The following MUC5B variants were observed in gnomAD, a reference collection of about 807,000 sequenced individuals.
MUC5B encodes mucin-5B.
MUC5B carries 116 observed loss-of-function variants against 376.9 expected under a neutral mutation model. The ratio of observed to expected loss-of-function variants is 0.31; its 90% CI spans 0.26 to 0.36. The LOEUF (loss-of-function observed/expected upper bound fraction) is 0.36. MUC5B is among the 10% of genes least tolerant of loss of function. MUC5B has a pLI of 1.00. For missense variants in MUC5B, 7,165 were observed against 7,769.9 expected (o/e 0.92, Z 2.93); for synonymous variants, 3,517 against 3,390.9 (o/e 1.04, Z -1.29).
chr11:1,246,140 C>A lies in MUC5B; in HGVS notation c.9260C>A (p.Pro3087His). ...TGTLPEQTTT[P>H]MATMSTIHPS... ...ACCCTCCCAGAACAGACCACCACAC[C>A]CATGGCCACCATGTCCACAATCCAC... The change falls in exon 31 of 49, where the codon CCC becomes CAC. Residue 3087 changes from proline (P) to histidine (H), a missense_variant. By Grantham distance (77) the Pro-to-His change is moderately conservative. This residue lies in a region of MUC5B where 939 missense variants were observed against 770.6 expected (regional missense o/e 1.22). Coordinates refer to ENST00000529681, the MANE Select transcript of MUC5B (RefSeq NM_002458.3). 3 of 1,613,148 alleles carry A rather than the reference C, an allele frequency of 1.9e-6. No individual in the cohort carries two copies. The highest frequency in any genetic ancestry group is 2.5e-6 in the Non-Finnish European group (3 of 1,179,532).
Position 1,248,126 on chromosome 11 carries a change from G to C in MUC5B, c.11246G>C (p.Gly3749Ala), listed in dbSNP as rs1862549706. Residue 3749 changes from glycine (G) to alanine (A), a missense_variant, in exon 31 of 49, where the codon GGC becomes GCC. This residue lies in a region of MUC5B where 72 missense variants were observed against 127.8 expected (regional missense o/e 0.56). Coordinates refer to ENST00000529681, the MANE Select transcript of MUC5B (RefSeq NM_002458.3). Reference sequence around the variant, plus strand: ...GCCTCCTCCACCCAGGCAACTGCTGGCACCCCACATGTGAGCACCACGGCC... The same window carrying C: ...GCCTCCTCCACCCAGGCAACTGCTGCCACCCCACATGTGAGCACCACGGCC... ...ATASSTQATA[G>A]TPHVSTTATT... is the part of the protein sequence containing the mutation. 2.4e-5 allele frequency: 39 copies of C among 1,594,382 alleles called. No homozygotes were observed. The highest frequency in any genetic ancestry group is 3.2e-5 in the Non-Finnish European group (38 of 1,170,462).
chr11:1,250,930 G>A lies in MUC5B; in HGVS notation c.14050G>A (p.Ala4684Thr), dbSNP rs569409443. 1 of 1,601,162 alleles carries A rather than the reference G, an allele frequency of 6.2e-7. No homozygotes were observed. Among genetic ancestry groups the A allele is most frequent in the African/African-American group, 1.3e-5 (1 of 74,246 alleles). ...SGTPPSLTTT[A>T]TTITATGSTT... The stretch of plus-strand genomic sequence containing the variant: ...TACTCCCCCATCACTGACCACCACG[G>A]CCACTACGATCACGGCCACCGGCTC... Residue 4684 changes from alanine to threonine, a missense_variant, in exon 31 of 49, where the codon GCC (alanine) becomes ACC (threonine). This residue lies in a region of MUC5B where 730 missense variants were observed against 592.7 expected (regional missense o/e 1.23). Coordinates refer to ENST00000529681, the MANE Select transcript of MUC5B (RefSeq NM_002458.3).
At chr11:1,252,710 T>C (rs1862737692) in intron 32 of MUC5B, 99 bp from the exon 33 acceptor site, 3 of 1,469,888 alleles carry the variant, frequency 2.0e-6, no homozygotes, top group Admixed American at 4.2e-5. Context: ...AGGCAGGCTC[T>C]TGTGGCCACC....
In MUC5B at chr11:1,252,552, G is replaced by A. The variant is rs550189018; in HGVS notation, c.15045+28G>A. 122 of 1,507,312 alleles carry A rather than the reference G, an allele frequency of 8.1e-5. No individual in the cohort carries two copies. The East Asian group carries it at 2.2e-3, about 27-fold the overall frequency. 93.4% of individuals were successfully genotyped at this position (1,507,312 alleles called of 1,614,324 possible). A position where few individuals can be genotyped will look rare whatever the true frequency, so the allele number is the denominator to read the frequency against. The stretch of plus-strand genomic sequence containing the variant: ...GGGCCCCGCCTGCCCTCCACCTCCC[G>A]TGCTGCGTGCACACGGTCTGGGTTG... On this transcript the variant is annotated intron_variant, in intron 32 of 48. Coordinates refer to ENST00000529681, the MANE Select transcript of MUC5B (RefSeq NM_002458.3).
In MUC5B at chr11:1,239,070, G is replaced by A. The variant is rs541557561; in HGVS notation, c.3454+43G>A. 102 of 1,555,506 alleles carry A rather than the reference G, an allele frequency of 6.6e-5. 1 individual carries two copies. The Middle Eastern group carries it at 1.2e-3, about 18-fold the overall frequency. The stretch of plus-strand genomic sequence containing the variant: ...CGTGGTGCTGAAGGGTGGAGCTGCT[G>A]GGGCAGGGGAGGAGGTGTGGCAGCC... On this transcript the variant is annotated intron_variant, in intron 26 of 48. Coordinates refer to ENST00000529681, the MANE Select transcript of MUC5B (RefSeq NM_002458.3).
intron 38 of MUC5B, among the ~76,000 whole-genome samples, 183 bp downstream of exon 38, chr11:1,256,408 G>C (rs909617019): frequency 2.0e-5 from 3 of 151,860 alleles, no homozygotes; most frequent in Admixed American, 6.6e-5. Flanking sequence ...AGTCAGGCAG[G>C]GGGCGCATCC....
rs780148137 is a variant in MUC5B at position 1,250,844 on chromosome 11, C to G, written c.13964C>G (p.Thr4655Ser). 5.0e-6 allele frequency: 8 copies of G among 1,611,054 alleles called. No homozygotes were observed. The South Asian group carries it at 7.7e-5, about 16-fold the overall frequency. The change falls in exon 31 of 49, where the codon ACC becomes AGC. Residue 4655 changes from threonine (T) to serine (S), a missense_variant. Thr to Ser is a moderately conservative substitution (Grantham distance 58). Coordinates refer to ENST00000529681, the MANE Select transcript of MUC5B (RefSeq NM_002458.3). ...TTHTARVLTT[T>S]TTTVATGSMA... ...CACACCGCCAGAGTGCTGACCACCA[C>G]CACCACAACTGTGGCCACTGGTTCT... is the stretch of plus-strand genomic sequence containing the variant.
rs755621207 is a variant in MUC5B at position 1,230,586 on chromosome 11, G to A, written c.1456G>A (p.Asp486Asn). 230 of 1,608,778 alleles carry A rather than the reference G, an allele frequency of 1.4e-4. No homozygotes were observed. The highest frequency in any genetic ancestry group is 1.8e-4 in the Non-Finnish European group (216 of 1,177,896). Residue 486 changes from aspartate to asparagine, a missense_variant, in exon 12 of 49, where the codon GAC becomes AAC. Physicochemically the swap from Asp to Asn is conservative, Grantham distance 23. Around this residue, in one of 31 missense-constraint regions of MUC5B, gnomAD observed 640 missense variants for 733.0 expected, o/e 0.87. Coordinates refer to ENST00000529681, the MANE Select transcript of MUC5B (RefSeq NM_002458.3). ...CCTGAAAGCGGTGACGCTCAGCCTG[G>A]ACGGCGGGGACACGGTGAGGACCTG... ...NCLKAVTLSL[D>N]GGDTAIRVQA...
Position 1,230,065 on chromosome 11 carries a change from G to A in MUC5B, c.1281G>A (p.Val427=). The A allele has an allele frequency of 1.9e-6, 3 of 1,611,858 alleles. No homozygotes were observed. Among genetic ancestry groups the A allele is most frequent in the Non-Finnish European group, 2.5e-6 (3 of 1,179,472 alleles). ...TGCCGTGCCCTGGCACCTGCTCTGT[G>A]CAGGGCGGGGCCCACATCTCCACCT... ...QDLPCPGTCS[V]QGGAHISTYD... is the part of the protein sequence containing the mutation. The change falls in exon 11 of 49, where the codon GTG becomes GTA. Residue 427 remains valine, a synonymous_variant. Coordinates refer to ENST00000529681, the MANE Select transcript of MUC5B (RefSeq NM_002458.3).
rs768964120 is a variant in MUC5B, at chr11:1,249,740, C to A, written c.12860C>A (p.Thr4287Asn). Residue 4287 changes from threonine to asparagine, a missense_variant, in exon 31 of 49, where the codon ACC (threonine) becomes AAC (asparagine). Thr to Asn is a moderately conservative substitution (Grantham distance 65). Transcript: ENST00000529681. ...PPPKVLTSPATTPTATSSKAT... is the reference protein window; with the variant it reads ...PPPKVLTSPANTPTATSSKAT... Reference sequence around the variant, plus strand: ...CCCAAAGTGCTGACCAGCCCGGCCACCACACCCACAGCCACCAGTTCCAAA... The same window carrying A: ...CCCAAAGTGCTGACCAGCCCGGCCAACACACCCACAGCCACCAGTTCCAAA... 1.9e-6 allele frequency: 3 copies of A among 1,612,238 alleles called. No individual in the cohort carries two copies. In the Admixed American group the frequency reaches 5.0e-5, roughly 27 times the overall value.
At chr11:1,227,467 A>G in intron 6 of MUC5B, 69 bp downstream of exon 6, 1 of 1,272,572 alleles carries the variant, frequency 7.9e-7, no homozygotes. Context: ...AGTCCCGGGG[A>G]GGCCGGGAGG....
In MUC5B at chr11:1,240,884, G is replaced by C; in HGVS notation, c.4004G>C (p.Arg1335Pro). Residue 1335 changes from arginine (R) to proline (P), a missense_variant, in exon 31 of 49, where the codon CGC (arginine) becomes CCC (proline). Physicochemically the swap from Arg to Pro is moderately radical, Grantham distance 103. This residue lies in a region of MUC5B where 517 missense variants were observed against 545.3 expected (regional missense o/e 0.95). Transcript: ENST00000529681. ...PALPVSTVCV[R>P]EVCRWSSWYN... ...CTCCCGGTCTCCACCGTGTGTGTCC[G>C]CGAGGTCTGCCGCTGGTCCAGCTGG... is the stretch of plus-strand genomic sequence containing the variant. 1 of 1,611,930 alleles carries C rather than the reference G, an allele frequency of 6.2e-7. No homozygotes were observed. Among genetic ancestry groups the C allele is most frequent in the Middle Eastern group, 1.8e-4 (1 of 5,576 alleles).
At chr11:1,224,319 G>T (rs1219273017) in intron 1 of MUC5B, among the ~76,000 whole-genome samples, 1 of 152,132 alleles carries the variant, frequency 6.6e-6, no homozygotes, top group Admixed American at 6.5e-5. Context: ...GCAGCTTCAT[G>T]TTAGGGGACA....
Position 1,250,793 on chromosome 11 carries a change from C to G in MUC5B, c.13913C>G (p.Thr4638Ser). The part of the protein sequence containing the change: ...TTPTTSGSTV[T>S]PSSIPGTTHT... ...CCCACAACCAGTGGCTCCACGGTGA[C>G]CCCCTCCTCCATCCCGGGGACCACC... Residue 4638 changes from threonine (T) to serine (S), a missense_variant, in exon 31 of 49, where the codon ACC (threonine) becomes AGC (serine). Thr to Ser is a moderately conservative substitution (Grantham distance 58). Transcript: ENST00000529681. The G allele has an allele frequency of 6.2e-7, 1 of 1,613,358 alleles. No homozygotes were observed. Among genetic ancestry groups the G allele is most frequent in the Non-Finnish European group, 8.5e-7 (1 of 1,179,608 alleles).
Position 1,260,645 on chromosome 11 carries a change from C to A in MUC5B, c.16986C>A (p.Ile5662=), listed in dbSNP as rs1375759402. The change falls in exon 48 of 49, where the codon ATC becomes ATA. Residue 5662 remains isoleucine, a synonymous_variant. Transcript: ENST00000529681. The part of the protein sequence containing the change: ...SCEEDSCQVR[I]NTTILWHQGC... ...TCCCAGACTCCTGTCAAGTCCGCATCAACACGACCATCCTGTGGCACCAGG... is the reference window on the plus strand; with the variant it reads ...TCCCAGACTCCTGTCAAGTCCGCATAAACACGACCATCCTGTGGCACCAGG... 6 of 1,612,502 alleles carry A rather than the reference C, an allele frequency of 3.7e-6. No homozygotes were observed. Among genetic ancestry groups the A allele is most frequent in the Admixed American group, 1.7e-5 (1 of 59,984 alleles).
chr11:1,251,997 T>C (rs55696369), intron 31 of MUC5B, among the ~76,000 whole-genome samples: 2,876 of 91,296 alleles, frequency 0.032, 50 homozygotes, highest in Non-Finnish European at 0.038. Context: ...TGCGTCCCCC[T>C]TGGCCACATT....
intron 33 of MUC5B, 81 bp from the exon 34 acceptor site, chr11:1,254,011 T>A: frequency 6.5e-7 from 1 of 1,527,028 alleles, no homozygotes; most frequent in African/African-American, 1.4e-5. Flanking sequence ...GCAGTCACAG[T>A]GGTGACGCTG....
In MUC5B at chr11:1,254,794, T is replaced by G; in HGVS notation, c.15578T>G (p.Leu5193Arg). ...ACCATGCGTGTGGACATTCCTGCCCTGGGCGTGAGCGTCACCTTCAATGGC... is the reference window on the plus strand; with the variant it reads ...ACCATGCGTGTGGACATTCCTGCCCGGGGCGTGAGCGTCACCTTCAATGGC... ...TTTMRVDIPALGVSVTFNGQV... is the reference protein window; with the variant it reads ...TTTMRVDIPARGVSVTFNGQV... Residue 5193 changes from leucine to arginine, a missense_variant, in exon 35 of 49, where the codon CTG becomes CGG. Leu to Arg is a moderately radical substitution (Grantham distance 102). Around this residue, in one of 31 missense-constraint regions of MUC5B, gnomAD observed 842 missense variants for 1,016.9 expected, o/e 0.83. Transcript: ENST00000529681. 6.2e-7 allele frequency: 1 copy of G among 1,612,782 alleles called. No homozygotes were observed.
chr11:1,237,436 C>T (rs549442044), intron 25 of MUC5B, among the ~76,000 whole-genome samples: 2 of 152,312 alleles, frequency 1.3e-5, no homozygotes. Context: ...CAGGGAGGGG[C>T]AGCCCTCTAT....
Sources: gnomAD v4.1 joint callset for allele counts (sites outside exome capture counted in the v4.1 genomes callset) on GRCh38, gnomAD v4.1.1 for gene constraint, gnomAD v4.1.1 regional missense constraint, MANE v1.5 for transcripts, NCBI Gene and HGNC (gene_info 2026-07-23, HGNC 2026-07-21) for gene names.